Variants in VSIG2 observed in about 807,000 individuals in gnomAD.
VSIG2 encodes the protein V-set and immunoglobulin domain-containing protein 2.
VSIG2 carries 30 observed loss-of-function variants against 29.4 expected under a neutral mutation model. That is an observed-to-expected ratio of 1.02 (90% CI 0.76 to 1.38). The LOEUF is 1.38. VSIG2 is among the 40% of genes most tolerant of loss of function. The pLI, the probability that VSIG2 is intolerant of heterozygous loss-of-function variation, is 0.00. For synonymous variants in VSIG2, 178 were observed against 174.2 expected (o/e 1.02, Z -0.17); for missense variants, 421 against 400.8 (o/e 1.05, Z -0.43).
In VSIG2 at chr11:124,748,409, A is replaced by G. The variant is rs759156036; in HGVS notation, c.832T>C (p.Tyr278His). The G allele has an allele frequency of 1.2e-6, 2 of 1,612,908 alleles. No individual in the cohort carries two copies. Among genetic ancestry groups the G allele is most frequent in the South Asian group, 1.1e-5 (1 of 90,966 alleles). ...KERGKKPKET[Y>H]GGSDLREDAI... ...GCTCACCGAAGGTCACTACCCCCAT[A>G]TGTCTCCTTGGGCTTCTTCCCCCTC... Residue 278 changes from tyrosine (Y) to histidine (H), a missense_variant, in exon 6 of 7, where the codon TAT (tyrosine) becomes CAT (histidine). By Grantham distance (83) the Tyr-to-His change is moderately conservative. Coordinates refer to ENST00000326621, the MANE Select transcript of VSIG2 (RefSeq NM_014312.5).
chr11:124,751,074 C>T (rs2134453231), intron 2 of VSIG2, among the ~76,000 whole-genome samples, 153 bp from the exon 3 acceptor site: 1 of 152,224 alleles, frequency 6.6e-6, no homozygotes, highest in Non-Finnish European at 1.5e-5. Context: ...GTCTCTCTGT[C>T]CCCAAACACC....
chr11:124,750,662 G>C (rs541507849), intron 3 of VSIG2, 52 bp downstream of exon 3: 1 of 1,580,428 alleles, frequency 6.3e-7, no homozygotes, highest in Admixed American at 1.7e-5. Context: ...CAGTGCAAAC[G>C]CCCCAAGTAT....
intron 3 of VSIG2, 114 bp from the exon 4 acceptor site, chr11:124,749,980 T>TGGACCCAAGA: frequency 8.1e-7 from 1 of 1,228,536 alleles, no homozygotes; most frequent in Non-Finnish European, 1.1e-6. Context: ...TATCAAACAG[T>TGGACCCAAGA]GGTCCTCTTG....
At position 124,748,654 on chromosome 11, in the gene VSIG2, G is replaced by A; in HGVS notation, c.696C>T (p.Leu232=). The A allele has an allele frequency of 6.2e-7, 1 of 1,613,420 alleles. No individual in the cohort carries two copies. Among genetic ancestry groups the A allele is most frequent in the Non-Finnish European group, 8.5e-7 (1 of 1,179,536 alleles). Residue 232 remains leucine, a synonymous_variant, in exon 5 of 7, where the codon CTC becomes CTT. Transcript: ENST00000326621. ...ACCCAGCATCCCTACCGGTCACAGAGAGGGTCAGCTCACAGGATGCACTGC... is the reference window on the plus strand; with the variant it reads ...ACCCAGCATCCCTACCGGTCACAGAAAGGGTCAGCTCACAGGATGCACTGC... The part of the protein sequence containing the change: ...QMGSASCELT[L]SVTEPSQGRV...
intron 2 of VSIG2, 60 bp from the exon 3 acceptor site, chr11:124,750,981 T>C (rs1466237579): frequency 1.9e-6 from 3 of 1,564,098 alleles, no homozygotes; most frequent in South Asian, 2.3e-5. Context: ...AACTCTACAG[T>C]CCTTCCTCAT....
chr11:124,749,393 G>T (rs527479879), intron 4 of VSIG2, among the ~76,000 whole-genome samples: 6 of 152,222 alleles, frequency 3.9e-5, no homozygotes, highest in Admixed American at 1.3e-4. Context: ...AGTGGTCCAC[G>T]ACCCTTAGGA....
Position 124,749,769 on chromosome 11 carries a change from T to C in VSIG2, c.525A>G (p.Pro175=), listed in dbSNP as rs1412491163. Residue 175 remains proline, a synonymous_variant, in exon 4 of 7, where the codon CCA becomes CCG. Coordinates refer to ENST00000326621, the MANE Select transcript of VSIG2 (RefSeq NM_014312.5). ...RCSSSEGAPK[P]VYNWVRLGTF... ...TTCCAAGACGCACCCAGTTGTACAC[T>C]GGCTTAGGAGCCCCCTCGGAAGAGC... 1 of 1,608,146 alleles carries C rather than the reference T, an allele frequency of 6.2e-7. No homozygotes were observed. Among genetic ancestry groups the C allele is most frequent in the South Asian group, 1.1e-5 (1 of 90,912 alleles).
rs1944075890 is a variant in VSIG2, at chr11:124,750,798, C to G, written c.343G>C (p.Asp115His). ...ACTTGGCAGAGGTAGGTTCCAGTAT[C>G]TGAGGGGTGGACGTCAGTCAGTTTC... ...TLKLTDVHPS[D>H]TGTYLCQVNN... The change falls in exon 3 of 7, where the codon GAT (aspartate) becomes CAT (histidine). Residue 115 changes from aspartate (D) to histidine (H), a missense_variant. Asp to His is a moderately conservative substitution (Grantham distance 81, BLOSUM62 -1). Coordinates refer to ENST00000326621, the MANE Select transcript of VSIG2 (RefSeq NM_014312.5). 3 of 1,614,102 alleles carry G rather than the reference C, an allele frequency of 1.9e-6. No individual in the cohort carries two copies. In the East Asian group the frequency reaches 6.7e-5, roughly 36 times the overall value.
intron 4 of VSIG2, 88 bp from the exon 5 acceptor site, chr11:124,748,851 C>T (rs1313432862): frequency 1.0e-5 from 16 of 1,599,006 alleles, no homozygotes; most frequent in Middle Eastern, 1.7e-4. Context: ...ATCCTTATAA[C>T]AATCCTGTCA....
Position 124,749,805 on chromosome 11 carries a change from TGCAGTA to T in VSIG2, c.483_488del (p.Thr162_Ala163del), listed in dbSNP as rs1565439440. ...CCCCCTCGGAAGAGCTGCATCTCAG[TGCAGTA>T]GAGCCTCCCACAGAGGTTTGTCCAC... On this transcript the variant is annotated inframe_deletion, in exon 4 of 7. Coordinates refer to ENST00000326621, the MANE Select transcript of VSIG2 (RefSeq NM_014312.5). The T allele has an allele frequency of 6.3e-7, 1 of 1,596,990 alleles. No homozygotes were observed. The highest frequency in any genetic ancestry group is 1.8e-5 in the Admixed American group (1 of 56,836).
At position 124,748,388 on chromosome 11, in the gene VSIG2, A is replaced by C; in HGVS notation, c.851+2T>G. The C allele has an allele frequency of 6.3e-7, 1 of 1,599,614 alleles. No individual in the cohort carries two copies. The highest frequency in any genetic ancestry group is 1.1e-5 in the South Asian group (1 of 89,310). On this transcript the variant is annotated splice_donor_variant, in intron 6 of 6. Coordinates refer to ENST00000326621, the MANE Select transcript of VSIG2 (RefSeq NM_014312.5). LOFTEE classifies it high-confidence loss of function. ...GCGCCACCCCCCAGCCCTCCTGCTC[A>C]CCGAAGGTCACTACCCCCATATGTC...
chr11:124,750,972 ACT>A, intron 2 of VSIG2, 51 bp from the exon 3 acceptor site: 4 of 1,586,546 alleles, frequency 2.5e-6, no homozygotes, highest in Non-Finnish European at 3.5e-6. Flanking sequence ...CCTGGCATCA[ACT>A]CTACAGTCCT....
chr11:124,752,076 C>T lies in VSIG2; in HGVS notation c.61+1G>A. 1 of 1,606,130 alleles carries T rather than the reference C, an allele frequency of 6.2e-7. No individual in the cohort carries two copies. Among genetic ancestry groups the T allele is most frequent in the Non-Finnish European group, 8.5e-7 (1 of 1,178,580 alleles). ...CGTGGTCCCGCCCGGCCCCTCCTCA[C>T]CACTCAGGCACAGGAAGCCTAGCAG... On this transcript the variant is annotated splice_donor_variant, in intron 1 of 6. Coordinates refer to ENST00000326621, the MANE Select transcript of VSIG2 (RefSeq NM_014312.5). LOFTEE classifies it high-confidence loss of function.
In VSIG2 at chr11:124,751,573, G is replaced by T; in HGVS notation, c.69C>A (p.Ala23=). 1 of 1,595,620 alleles carries T rather than the reference G, an allele frequency of 6.3e-7. No individual in the cohort carries two copies. ...GCTCTGTGGGTACCTTCACCTCCAC[G>T]GCCAGCCCTGGGGCCGGGGACCAGA... ...LLGFLCLSGL[A]VEVKVPTEPL... is the part of the protein sequence containing the mutation. Residue 23 remains alanine (A), a synonymous_variant, in exon 2 of 7, where the codon GCC becomes GCA. Coordinates refer to ENST00000326621, the MANE Select transcript of VSIG2 (RefSeq NM_014312.5).
At position 124,747,655 on chromosome 11, in the gene VSIG2, G is replaced by A. The variant is rs1263015098; in HGVS notation, c.864C>T (p.Ile288=). The change falls in exon 7 of 7, where the codon ATC becomes ATT. Residue 288 remains isoleucine (I), a synonymous_variant. Transcript: ENST00000326621. ...YGGSDLREDA[I]APGISEHTCM... ...AAGTGTGCTCAGAGATCCCAGGAGC[G>A]ATGGCATCCTCCCTGATGGGTATAG... The A allele has an allele frequency of 5.6e-6, 9 of 1,613,438 alleles. No homozygotes were observed. Among genetic ancestry groups the A allele is most frequent in the Non-Finnish European group, 2.5e-6 (3 of 1,179,750 alleles).
In VSIG2 at chr11:124,747,638, T is replaced by C. The variant is rs140733339; in HGVS notation, c.881A>G (p.Glu294Gly). ...AGAATCAGCCCTCATACAAGTGTGC[T>C]CAGAGATCCCAGGAGCGATGGCATC... ...REDAIAPGISEHTCMRADSSK... is the reference protein window; with the variant it reads ...REDAIAPGISGHTCMRADSSK... Residue 294 changes from glutamate to glycine, a missense_variant, in exon 7 of 7, where the codon GAG becomes GGG. Coordinates refer to ENST00000326621, the MANE Select transcript of VSIG2 (RefSeq NM_014312.5). 1.4e-5 allele frequency: 22 copies of C among 1,613,694 alleles called. No individual in the cohort carries two copies. The highest frequency in any genetic ancestry group is 1.6e-4 in the Middle Eastern group (1 of 6,078).
intron 3 of VSIG2, among the ~76,000 whole-genome samples, 184 bp downstream of exon 3, chr11:124,750,530 A>G (rs887692446): frequency 1.4e-5 from 2 of 145,084 alleles, no homozygotes; most frequent in Non-Finnish European, 3.1e-5. Flanking sequence ...CTCTCGGTGG[A>G]GGGTGGAGTT....
rs1266673075 is a variant in VSIG2 at position 124,747,593 on chromosome 11, CT to C, written c.925del (p.Arg309AspfsTer8). 3 of 1,613,876 alleles carry C rather than the reference CT, an allele frequency of 1.9e-6. No homozygotes were observed. Among genetic ancestry groups the C allele is most frequent in the Non-Finnish European group, 2.5e-6 (3 of 1,179,884 alleles). On this transcript the variant is annotated frameshift_variant, in exon 7 of 7. Coordinates refer to ENST00000326621, the MANE Select transcript of VSIG2 (RefSeq NM_014312.5). LOFTEE classifies it high-confidence loss of function. ...CGTCACGGTGCTGGCAGACGAGGGT[CT>C]TTCCAGGAACCCCTTGCTAGAATCA... ...RADSSKGFLERPSSASTVTTT... is the reference protein window; with the variant it reads ...RADSSKGFLEXPSSASTVTTT...
Position 124,748,307 on chromosome 11 carries a change from C to T in VSIG2, c.851+83G>A, listed in dbSNP as rs552117117. ...TGCCCCTAAACACACTGAATGATGTCGGAGTTTGAGGGTTGCAGGCACCCG... is the reference window on the plus strand; with the variant it reads ...TGCCCCTAAACACACTGAATGATGTTGGAGTTTGAGGGTTGCAGGCACCCG... On this transcript the variant is annotated intron_variant, in intron 6 of 6. Transcript: ENST00000326621. The T allele has an allele frequency of 9.1e-5, 129 of 1,410,172 alleles. No individual in the cohort carries two copies. The African/African-American group carries it at 1.1e-3, about 12-fold the overall frequency. The allele number at this position is 1,410,172 out of a possible 1,614,324, so 87.4% of individuals were successfully genotyped here.
Sources: gnomAD v4.1 joint callset for allele counts (sites outside exome capture counted in the v4.1 genomes callset) on GRCh38, gnomAD v4.1.1 for gene constraint, MANE v1.5 for transcripts, NCBI Gene and HGNC (gene_info 2026-07-23, HGNC 2026-07-21) for gene names.